STX2: variants seen among roughly 807,000 people sequenced by gnomAD.
STX2 encodes syntaxin-2.
A neutral mutation model predicts 40.6 loss-of-function variants in STX2; 27 were observed. That is an observed-to-expected ratio of 0.66 (90% CI 0.49 to 0.92). The LOEUF (loss-of-function observed/expected upper bound fraction) is 0.92. Among genes scored for constraint, STX2 ranks in the 40% least tolerant of loss-of-function variants. The pLI is 0.00. For missense variants in STX2, 328 were observed against 366.1 expected (o/e 0.90, Z 0.85); for synonymous variants, 123 against 119.1 (o/e 1.03, Z -0.22).
chr12:130,826,320 C>G (rs2136333648), intron 2 of STX2, among the ~76,000 whole-genome samples: 1 of 152,330 alleles, frequency 6.6e-6, no homozygotes, highest in Middle Eastern at 3.4e-3. Flanking sequence ...CCAAGGAGGC[C>G]TCGTTCTGAG....
chr12:130,812,510 A>T, intron 4 of STX2: 2 of 314,050 alleles, frequency 6.4e-6, no homozygotes, highest in Non-Finnish European at 1.2e-5. Context: ...CATTCTGCAA[A>T]AATCAAATAC....
intron 3 of STX2, among the ~76,000 whole-genome samples, chr12:130,820,942 C>T (rs1952089052): frequency 6.6e-6 from 1 of 152,122 alleles, no homozygotes; most frequent in African/African-American, 2.4e-5. Context: ...GATCCATGTC[C>T]CCTGTAAAGC....
At chr12:130,803,916 A>G (rs1951329276) in intron 6 of STX2, among the ~76,000 whole-genome samples, 1 of 152,184 alleles carries the variant, frequency 6.6e-6, no homozygotes. Flanking sequence ...AGTCATGGCT[A>G]TTTATAATCT....
At chr12:130,814,344 G>A (rs907087056) in intron 3 of STX2, among the ~76,000 whole-genome samples, 7 of 152,124 alleles carry the variant, frequency 4.6e-5, no homozygotes, top group African/African-American at 7.2e-5. Flanking sequence ...AAAATGCCAT[G>A]GGCAGCGAGG....
In STX2 at chr12:130,812,455, A is replaced by G. The variant is rs1218845450; in HGVS notation, c.280+502T>C. 11 of 410,706 alleles carry G rather than the reference A, an allele frequency of 2.7e-5. No homozygotes were observed. In the Admixed American group the frequency reaches 3.2e-4, roughly 12 times the overall value. The allele number at this position is 410,706 out of a possible 1,614,324, so 25.4% of individuals were successfully genotyped here. A position where few individuals can be genotyped will look rare whatever the true frequency, so the allele number is the denominator to read the frequency against. On this transcript the variant is annotated intron_variant, in intron 4 of 10. Coordinates refer to ENST00000392373, the MANE Select transcript of STX2 (RefSeq NM_194356.4). ...CACACATCTGAAACCTGCCGTAATAAAAGTATTTTATCATCTGCACAGAGA... is the reference window on the plus strand; with the variant it reads ...CACACATCTGAAACCTGCCGTAATAGAAGTATTTTATCATCTGCACAGAGA...
intron 6 of STX2, among the ~76,000 whole-genome samples, chr12:130,805,344 G>C (rs79814859): frequency 6.6e-6 from 1 of 152,178 alleles, no homozygotes; most frequent in African/African-American, 2.4e-5. Context: ...AAACAAGCCA[G>C]GTGAGCCTGC....
chr12:130,822,083 T>A lies in STX2; in HGVS notation c.106-295A>T, dbSNP rs1593172671. Among the ~76,000 whole-genome samples the A allele has an allele frequency of 2.0e-5, 3 of 152,182 alleles. No individual in the cohort carries two copies. In the East Asian group the frequency reaches 5.8e-4, roughly 29 times the overall value. The stretch of plus-strand genomic sequence containing the variant: ...ACACAGATGGGGCCAATTAGAAGCA[T>A]ACTACTACTAATACCCATTCTCAGT... On this transcript the variant is annotated intron_variant, in intron 2 of 10. Coordinates refer to ENST00000392373, the MANE Select transcript of STX2 (RefSeq NM_194356.4).
chr12:130,818,185 A>ATATAT (rs1555222352), intron 3 of STX2, among the ~76,000 whole-genome samples: 85 of 70,532 alleles, frequency 1.2e-3, no homozygotes, highest in Middle Eastern at 8.5e-3. Context: ...AAAAAAAAAA[A>ATATAT]ATATATATAT....
intron 4 of STX2, among the ~76,000 whole-genome samples, chr12:130,810,387 C>T (rs938857307): frequency 6.6e-6 from 1 of 152,182 alleles, no homozygotes; most frequent in Non-Finnish European, 1.5e-5. Flanking sequence ...TTAGCCCAGT[C>T]CACTGAAAAA....
chr12:130,821,555 G>T, intron 3 of STX2, 134 bp downstream of exon 3: 1 of 699,352 alleles, frequency 1.4e-6, no homozygotes, highest in East Asian at 2.7e-5. Flanking sequence ...AAACGCCTCA[G>T]ACTCTCTAGG....
intron 2 of STX2, among the ~76,000 whole-genome samples, chr12:130,825,811 A>C (rs1003192790): frequency 1.7e-4 from 26 of 152,222 alleles, no homozygotes; most frequent in Admixed American, 1.6e-3. Context: ...GACTCAGCAT[A>C]ATCAAGACGA....
chr12:130,818,185 A>AAAAT lies in STX2; in HGVS notation c.205+3503_205+3504insATTT. Among the ~76,000 whole-genome samples, 11 of 70,588 alleles carry AAAAT rather than the reference A, an allele frequency of 1.6e-4. 1 individual carries two copies. Among genetic ancestry groups the AAAAT allele is most frequent in the African/African-American group, 7.1e-4 (6 of 8,412 alleles). 46.3% of individuals were successfully genotyped at this position (70,588 alleles called of 152,430 possible). A position where few individuals can be genotyped will look rare whatever the true frequency, so the allele number is the denominator to read the frequency against. ...GCTGTTTCTACAAAAAAAAAAAAAA[A>AAAAT]ATATATATATATATATATATATATA... is the stretch of plus-strand genomic sequence containing the variant. On this transcript the variant is annotated intron_variant, in intron 3 of 10. Coordinates refer to ENST00000392373, the MANE Select transcript of STX2 (RefSeq NM_194356.4).
intron 1 of STX2, among the ~76,000 whole-genome samples, chr12:130,831,971 G>GGTGATCCCTT (rs1250950336): frequency 2.7e-5 from 4 of 150,846 alleles, no homozygotes; most frequent in African/African-American, 4.9e-5. Context: ...CCTGGGCTCA[G>GGTGATCCCTT]GTGATCCCTT....
chr12:130,835,626 C>T (rs1173623104), intron 1 of STX2, among the ~76,000 whole-genome samples: 1 of 152,166 alleles, frequency 6.6e-6, no homozygotes, highest in Non-Finnish European at 1.5e-5. Context: ...GGTCACTCTT[C>T]CTTCCCAGGC....
rs1039571090 is a variant in STX2, at chr12:130,795,224, G to T, written c.*45+771C>A. 7.9e-5 allele frequency among the ~76,000 whole-genome samples: 12 copies of T among 152,210 alleles called. No homozygotes were observed. In the South Asian group the frequency reaches 1.2e-3, roughly 16 times the overall value. On this transcript the variant is annotated intron_variant, in intron 10 of 10. Transcript: ENST00000392373. The stretch of plus-strand genomic sequence containing the variant: ...GATGCTGCCTATAGAAAGGTCGAAG[G>T]ATGTTCCTTTCAGTCAATGTTTTTC...
intron 2 of STX2, among the ~76,000 whole-genome samples, chr12:130,823,330 G>C (rs1340274429): frequency 6.6e-6 from 1 of 152,106 alleles, no homozygotes; most frequent in East Asian, 1.9e-4. Context: ...AAAAAAGGAA[G>C]AAGTAATTAT....
At chr12:130,835,085 T>C (rs998420101) in intron 1 of STX2, among the ~76,000 whole-genome samples, 1 of 152,256 alleles carries the variant, frequency 6.6e-6, no homozygotes, top group African/African-American at 2.4e-5. Context: ...GCTCAAGAGT[T>C]GAAGACCAGC....
At chr12:130,835,251 T>C (rs1952718600) in intron 1 of STX2, among the ~76,000 whole-genome samples, 1 of 152,108 alleles carries the variant, frequency 6.6e-6, no homozygotes, top group South Asian at 2.1e-4. Context: ...ATCGTGCCCC[T>C]GCACTCCAGC....
At chr12:130,808,927 C>T (rs1437359450) in intron 4 of STX2, among the ~76,000 whole-genome samples, 2 of 152,212 alleles carry the variant, frequency 1.3e-5, no homozygotes, top group African/African-American at 4.8e-5. Context: ...AGTGCAGGGG[C>T]ACAATCTCGT....
Sources: allele counts gnomAD v4.1 joint callset (sites outside exome capture counted in the v4.1 genomes callset), GRCh38; gene constraint gnomAD v4.1.1; transcripts MANE v1.5; gene names NCBI Gene and HGNC (gene_info 2026-07-23, HGNC 2026-07-21).